Variants in GABRG3 observed in about 807,000 individuals in gnomAD.
The protein encoded by GABRG3 is gamma-aminobutyric acid receptor subunit gamma-3.
Under a neutral mutation model 48.8 loss-of-function variants are expected in GABRG3, and 25 were observed. The ratio of observed to expected loss-of-function variants is 0.51; its 90% CI spans 0.37 to 0.72. The LOEUF is 0.72. Among genes scored for constraint, GABRG3 ranks in the 30% least tolerant of loss-of-function variants. The probability of loss-of-function intolerance (pLI) is 0.00; values close to 1 mark genes in which losing one functional copy is unlikely to be tolerated. For synonymous variants in GABRG3, 227 were observed against 217.6 expected, an observed-to-expected ratio of 1.04 and a Z score of -0.38; for missense variants, 394 against 577.9, an observed-to-expected ratio of 0.68 and a Z score of 3.26.
At chr15:27,018,341 G>A (rs1332940789) in intron 2 of GABRG3, among the ~76,000 whole-genome samples, 1 of 152,150 alleles carries the variant, frequency 6.6e-6, no homozygotes, top group East Asian at 1.9e-4. Context: ...GAGCTCTGAA[G>A]GATTTGTGGT....
rs59391125 is a variant in GABRG3 at position 26,974,843 on chromosome 15, T to TTTATTA, written c.54-2117_54-2112dup. Among the ~76,000 whole-genome samples, 1,431 of 140,838 alleles carry TTTATTA rather than the reference T, an allele frequency of 0.01. 12 individuals are homozygous for TTTATTA. Among genetic ancestry groups the TTTATTA allele is most frequent in the Middle Eastern group, 0.015 (4 of 268 alleles). 92.4% of individuals were successfully genotyped at this position (140,838 alleles called of 152,430 possible). ...CAGATGACACGAAATATTTTTTAAA[T>TTTATTA]TTATTATTATTATTATTATTATTAT... On this transcript the variant is annotated intron_variant, in intron 1 of 9. Transcript: ENST00000615808. The surrounding 1 kb of genome is among the most constrained non-coding windows in gnomAD (Gnocchi z 4.3).
chr15:27,366,791 T>G (rs1356236643), intron 5 of GABRG3, among the ~76,000 whole-genome samples: 5 of 152,158 alleles, frequency 3.3e-5, no homozygotes, highest in African/African-American at 7.2e-5. Flanking sequence ...GATTTTGCTA[T>G]GGGTGATAAT....
chr15:27,456,638 G>A (rs1595766147), intron 5 of GABRG3, among the ~76,000 whole-genome samples: 1 of 152,160 alleles, frequency 6.6e-6, no homozygotes, highest in Non-Finnish European at 1.5e-5. Context: ...CCCAAGGAAC[G>A]GCCAATCTGG....
At chr15:27,228,304 G>A (rs1398614813) in intron 3 of GABRG3, among the ~76,000 whole-genome samples, 2 of 152,166 alleles carry the variant, frequency 1.3e-5, no homozygotes, top group East Asian at 3.9e-4. Context: ...TTATAAATGA[G>A]AACATACGGT....
intron 3 of GABRG3, among the ~76,000 whole-genome samples, chr15:27,060,668 G>T (rs1896629432): frequency 6.6e-6 from 1 of 152,178 alleles, no homozygotes; most frequent in Non-Finnish European, 1.5e-5. Context: ...AAATGATGAG[G>T]CAGCAGGAGT....
chr15:27,169,078 A>C (rs920014071), intron 3 of GABRG3, among the ~76,000 whole-genome samples: 3 of 152,346 alleles, frequency 2.0e-5, no homozygotes, highest in Middle Eastern at 3.4e-3. Flanking sequence ...AATGGTGAGC[A>C]AAATAGACAT....
intron 3 of GABRG3, among the ~76,000 whole-genome samples, chr15:27,219,093 A>G (rs1595593464): frequency 6.6e-6 from 1 of 152,200 alleles, no homozygotes; most frequent in Non-Finnish European, 1.5e-5. Flanking sequence ...CCCAAGTCCT[A>G]GCTTCTTCCC....
At chr15:27,350,341 C>T (rs893540946) in intron 5 of GABRG3, 4 of 366,958 alleles carry the variant, frequency 1.1e-5, no homozygotes, top group African/African-American at 2.1e-5. Context: ...CTTCTCATCG[C>T]GTGTTCTCAC....
intron 3 of GABRG3, among the ~76,000 whole-genome samples, chr15:27,240,396 G>A (rs1469278089): frequency 1.3e-5 from 2 of 152,090 alleles, no homozygotes; most frequent in Non-Finnish European, 2.9e-5. Flanking sequence ...GACTCAGTGA[G>A]GCATCATATC....
chr15:27,417,740 C>G (rs969137164), intron 5 of GABRG3, among the ~76,000 whole-genome samples: 1 of 152,124 alleles, frequency 6.6e-6, no homozygotes, highest in Non-Finnish European at 1.5e-5. Context: ...TTTCGTTTTT[C>G]CCCTTCTTCT....
chr15:27,271,773 C>T (rs776603282), intron 3 of GABRG3: 32 of 368,538 alleles, frequency 8.7e-5, no homozygotes, highest in African/African-American at 3.0e-4. Context: ...CGGTCAGGGA[C>T]GCATAGGCAG....
intron 5 of GABRG3, among the ~76,000 whole-genome samples, chr15:27,387,935 G>A (rs562102708): frequency 3.1e-5 from 2 of 65,056 alleles, no homozygotes; most frequent in African/African-American, 1.2e-4. Flanking sequence ...AGGGAGGGAG[G>A]GAAGGAGGGA....
chr15:27,260,410 C>G (rs1016963120), intron 3 of GABRG3, among the ~76,000 whole-genome samples: 8 of 152,148 alleles, frequency 5.3e-5, no homozygotes, highest in Non-Finnish European at 1.0e-4. Context: ...GGGCATAGGA[C>G]TTCAGCGTAT....
At chr15:27,328,233 G>A (rs1258384041) in intron 4 of GABRG3, among the ~76,000 whole-genome samples, 1 of 152,162 alleles carries the variant, frequency 6.6e-6, no homozygotes, top group Non-Finnish European at 1.5e-5. Context: ...CCATACACCG[G>A]AGACTCTGAC....
Position 27,071,536 on chromosome 15 carries a change from C to T in GABRG3, c.270+44715C>T, listed in dbSNP as rs1896827229. On this transcript the variant is annotated intron_variant, in intron 3 of 9. Transcript: ENST00000615808. ...TCCAGCTTGACGGATGTCTGCCTTT[C>T]AGTACCGTGTCCATAGATGTGATTG... Among the ~76,000 whole-genome samples the T allele has an allele frequency of 2.0e-5, 3 of 152,354 alleles. No homozygotes were observed. In the South Asian group the frequency reaches 6.2e-4, roughly 32 times the overall value.
At chr15:27,064,718 G>C (rs1210834578) in intron 3 of GABRG3, among the ~76,000 whole-genome samples, 1 of 152,152 alleles carries the variant, frequency 6.6e-6, no homozygotes, top group Non-Finnish European at 1.5e-5. Flanking sequence ...CCACAGGAGG[G>C]CCTCATTTGG....
intron 2 of GABRG3, among the ~76,000 whole-genome samples, chr15:27,014,465 A>G (rs1895742590): frequency 1.3e-5 from 2 of 151,284 alleles, no homozygotes; most frequent in South Asian, 4.1e-4. Context: ...CTTTTGTTGT[A>G]GCCCATAAGT....
chr15:27,217,092 A>G lies in GABRG3; in HGVS notation c.271-109717A>G, dbSNP rs1014690525. Among the ~76,000 whole-genome samples, 4 of 151,216 alleles carry G rather than the reference A, an allele frequency of 2.6e-5. No individual in the cohort carries two copies. In the East Asian group the frequency reaches 7.8e-4, roughly 30 times the overall value. On this transcript the variant is annotated intron_variant, in intron 3 of 9. Transcript: ENST00000615808. Reference sequence around the variant, plus strand: ...GGTTTCCAATTTCATCCACGTCCCTACAAAGGACATGAACTCATCATTTTT... The same window carrying G: ...GGTTTCCAATTTCATCCACGTCCCTGCAAAGGACATGAACTCATCATTTTT...
At chr15:27,070,047 G>T (rs1017021122) in intron 3 of GABRG3, among the ~76,000 whole-genome samples, 3 of 152,240 alleles carry the variant, frequency 2.0e-5, no homozygotes, top group Non-Finnish European at 2.9e-5. Context: ...GGAGAGAATT[G>T]TGTGTTGTGA....
Sources: gnomAD v4.1 joint callset for allele counts (sites outside exome capture counted in the v4.1 genomes callset) on GRCh38, gnomAD v4.1.1 for gene constraint, Gnocchi (gnomAD v3.1) non-coding constraint, MANE v1.5 for transcripts, NCBI Gene and HGNC (gene_info 2026-07-23, HGNC 2026-07-21) for gene names.